CADM2: variants seen among roughly 807,000 people sequenced by gnomAD.
The protein encoded by CADM2 is immunoglobulin superfamily member 4D.
A neutral mutation model predicts 49.8 loss-of-function variants in CADM2; 12 were observed. The ratio of observed to expected loss-of-function variants is 0.24; its 90% confidence interval spans 0.15 to 0.39. CADM2 has a LOEUF of 0.39. Ranked by LOEUF, CADM2 falls within the 10% of genes least tolerant of loss-of-function variation. CADM2 has a pLI of 1.00. For missense variants in CADM2, 378 were observed against 492.3 expected (o/e 0.77, Z 2.20); for synonymous variants, 214 against 175.4 (o/e 1.22, Z -1.74).
intron 1 of CADM2, among the ~76,000 whole-genome samples, chr3:85,428,362 TA>T (rs1289833247): frequency 2.7e-5 from 4 of 145,470 alleles, no homozygotes; most frequent in Non-Finnish European, 4.5e-5. Context: ...TCATATATAT[TA>T]TATATAATAT....
In CADM2 at chr3:85,005,812, TG is replaced by T. The variant is rs11308007; in HGVS notation, c.61+46145del. Among the ~76,000 whole-genome samples the T allele has an allele frequency of 6.3e-3, 960 of 152,236 alleles. 14 individuals carry two copies. Among genetic ancestry groups the T allele is most frequent in the African/African-American group, 0.022 (918 of 41,548 alleles). The stretch of plus-strand genomic sequence containing the variant: ...CTGTCTTTCTTAATGGAATTGTGTG[TG>T]TTGTATTTTTCAATTACCAACTCTG... On this transcript the variant is annotated intron_variant, in intron 1 of 9. Coordinates refer to ENST00000383699, the MANE Select transcript of CADM2 (RefSeq NM_001167675.2).
At chr3:85,291,582 C>T (rs1205032639) in intron 1 of CADM2, among the ~76,000 whole-genome samples, 47 of 147,296 alleles carry the variant, frequency 3.2e-4, no homozygotes, top group Non-Finnish European at 6.3e-4. Context: ...AGACTAACAG[C>T]GGATCTCTTG....
intron 1 of CADM2, among the ~76,000 whole-genome samples, chr3:85,380,551 T>C (rs1297228486): frequency 6.6e-6 from 1 of 151,992 alleles, no homozygotes; most frequent in Non-Finnish European, 1.5e-5. Context: ...AATACAATGA[T>C]ATACTTGAAA....
At chr3:86,066,254 A>G (rs1739296049) in intron 9 of CADM2, among the ~76,000 whole-genome samples, 1 of 135,396 alleles carries the variant, frequency 7.4e-6, no homozygotes, top group African/African-American at 2.7e-5. Context: ...AATTGCTTGA[A>G]CCCGGGAGGC....
chr3:85,206,323 T>G (rs1247327031), intron 1 of CADM2, among the ~76,000 whole-genome samples: 21 of 150,712 alleles, frequency 1.4e-4, no homozygotes, highest in African/African-American at 5.1e-4. Context: ...TTTTTTTTTT[T>G]TTGAGATGGA....
Position 85,938,125 on chromosome 3 carries a change from C to A in CADM2, c.791+2268C>A, listed in dbSNP as rs188683791. On this transcript the variant is annotated intron_variant, in intron 7 of 9. Transcript: ENST00000383699. ...CGTTCTTCTAATCATCTTAAATAAA[C>A]TTCTCTATATTTTTACAGTAACTGT... is the stretch of plus-strand genomic sequence containing the variant. 1.4e-4 allele frequency among the ~76,000 whole-genome samples: 21 copies of A among 152,142 alleles called. No homozygotes were observed. The East Asian group carries it at 3.9e-3, about 28-fold the overall frequency.
intron 7 of CADM2, among the ~76,000 whole-genome samples, chr3:85,945,239 A>C (rs1226060447): frequency 1.3e-5 from 2 of 152,146 alleles, no homozygotes; most frequent in East Asian, 3.9e-4. Flanking sequence ...AAGAAGTTGA[A>C]TCTCTGAATA....
intron 1 of CADM2, among the ~76,000 whole-genome samples, chr3:85,417,992 A>G (rs1444536113): frequency 6.6e-6 from 1 of 152,168 alleles, no homozygotes; most frequent in East Asian, 1.9e-4. Flanking sequence ...AAGGTACTGG[A>G]ACCAAAGCTA....
chr3:85,785,865 A>G (rs1055600207), intron 2 of CADM2, among the ~76,000 whole-genome samples: 1 of 152,086 alleles, frequency 6.6e-6, no homozygotes, highest in South Asian at 2.1e-4. Flanking sequence ...GCAATAAACA[A>G]TCTCAACAAT....
rs1739502414 is a variant in CADM2 at position 86,067,891 on chromosome 3, T to C, written c.*1108T>C. On this transcript the variant is annotated 3_prime_UTR_variant, in exon 10 of 10. Transcript: ENST00000383699. ...TTGTTAATTTTTATTTGTTATACAA[T>C]GGAAGCACAATGTTATAAGGAAAGG... The C allele has an allele frequency of 6.6e-6, 1 of 152,486 alleles. No homozygotes were observed. Among genetic ancestry groups the C allele is most frequent in the Admixed American group, 6.6e-5 (1 of 15,264 alleles). 9.4% of individuals were successfully genotyped at this position (152,486 alleles called of 1,614,324 possible).
chr3:85,374,213 T>C (rs1480199038), intron 1 of CADM2, among the ~76,000 whole-genome samples: 1 of 152,154 alleles, frequency 6.6e-6, no homozygotes, highest in Non-Finnish European at 1.5e-5. Context: ...AGCAGCCAAG[T>C]CACATCTTGA....
chr3:85,136,016 G>A (rs1275739532), intron 1 of CADM2, among the ~76,000 whole-genome samples: 2 of 151,842 alleles, frequency 1.3e-5, no homozygotes, highest in Admixed American at 6.6e-5. Context: ...TTTATCTATT[G>A]GTGTGTTTTA....
chr3:86,074,019 G>T lies in CADM2; in HGVS notation c.*7236G>T, dbSNP rs528877673. On this transcript the variant is annotated 3_prime_UTR_variant, in exon 10 of 10. Coordinates refer to ENST00000383699, the MANE Select transcript of CADM2 (RefSeq NM_001167675.2). ...AAATGTTGCTGACTTAGGGAAATTT[G>T]CTTGAGAATGCCAAAATTTTAAAAC... 1 of 152,026 alleles carries T rather than the reference G, an allele frequency of 6.6e-6. No individual in the cohort carries two copies. The highest frequency in any genetic ancestry group is 2.4e-5 in the African/African-American group (1 of 41,532). The allele number at this position is 152,026 out of a possible 1,614,324, so 9.4% of individuals were successfully genotyped here.
chr3:85,500,886 T>G (rs1039108804), intron 1 of CADM2, among the ~76,000 whole-genome samples: 7 of 150,914 alleles, frequency 4.6e-5, no homozygotes, highest in African/African-American at 1.5e-4. Context: ...CACTGAAATT[T>G]CTCAAGGTCT....
At chr3:85,258,896 T>C (rs1361514945) in intron 1 of CADM2, among the ~76,000 whole-genome samples, 1 of 152,116 alleles carries the variant, frequency 6.6e-6, no homozygotes, top group African/African-American at 2.4e-5. Flanking sequence ...TGGAAACAGA[T>C]AGATAAGTAG....
intron 3 of CADM2, among the ~76,000 whole-genome samples, chr3:85,830,792 G>C (rs2074147274): frequency 7.0e-6 from 1 of 143,684 alleles, no homozygotes; most frequent in African/African-American, 2.6e-5. Context: ...AGATGTCTTT[G>C]TGCATTTTAT....
chr3:85,255,342 C>A lies in CADM2; in HGVS notation c.61+295674C>A, dbSNP rs185089761. ...CACTTAAAGGTATTTAAAGAAGAGG[C>A]TTCATTTGTTTAAGTGACAGGTGCA... On this transcript the variant is annotated intron_variant, in intron 1 of 9. Coordinates refer to ENST00000383699, the MANE Select transcript of CADM2 (RefSeq NM_001167675.2). 3.9e-5 allele frequency among the ~76,000 whole-genome samples: 6 copies of A among 152,028 alleles called. No homozygotes were observed. In the East Asian group the frequency reaches 1.2e-3, roughly 30 times the overall value.
At chr3:85,040,008 A>C (rs533580973) in intron 1 of CADM2, among the ~76,000 whole-genome samples, 20 of 152,336 alleles carry the variant, frequency 1.3e-4, no homozygotes, top group African/African-American at 4.3e-4. Context: ...TAGTTCTAAC[A>C]TTCTCAGTTC....
chr3:85,448,611 G>A (rs193043732), intron 1 of CADM2, among the ~76,000 whole-genome samples: 1 of 151,898 alleles, frequency 6.6e-6, no homozygotes, highest in South Asian at 2.1e-4. Flanking sequence ...GTGTGCATGC[G>A]TGTGTGTGTG....
Sources: allele counts gnomAD v4.1 joint callset (sites outside exome capture counted in the v4.1 genomes callset), GRCh38; gene constraint gnomAD v4.1.1; transcripts MANE v1.5; gene names NCBI Gene and HGNC (gene_info 2026-07-23, HGNC 2026-07-21).